Variants in C21orf91 observed in about 807,000 individuals in gnomAD.
C21orf91 encodes the protein chromosome 21 open reading frame 91.
A neutral mutation model predicts 32.9 loss-of-function variants in C21orf91; 26 were observed. The observed-to-expected ratio is 0.79, with a 90% confidence interval of 0.58 to 1.10. The LOEUF (loss-of-function observed/expected upper bound fraction) is 1.10. Ranked by LOEUF, C21orf91 falls within the 50% of genes least tolerant of loss-of-function variation. The pLI, the probability that C21orf91 is intolerant of heterozygous loss-of-function variation, is 0.00. For synonymous variants in C21orf91, 126 were observed against 120.4 expected, an observed-to-expected ratio of 1.05 and a Z score of -0.31; for missense variants, 310 against 341.3, an observed-to-expected ratio of 0.91 and a Z score of 0.72.
chr21:17,799,071 T>C (rs180847764), intron 2 of C21orf91, among the ~76,000 whole-genome samples: 164 of 152,304 alleles, frequency 1.1e-3, no homozygotes, highest in Middle Eastern at 0.01. Flanking sequence ...TATGTAGCAA[T>C]GAAATTCTTT....
rs1433675626 is a variant in C21orf91, at chr21:17,789,474, C to T, written c.*3941G>A. 1 of 152,004 alleles carries T rather than the reference C, an allele frequency of 6.6e-6. No homozygotes were observed. The highest frequency in any genetic ancestry group is 1.9e-4 in the East Asian group (1 of 5,196). The allele number at this position is 152,004 out of a possible 1,614,324, so 9.4% of individuals were successfully genotyped here. Reference sequence around the variant, plus strand: ...TCTTTAAACCTTTTTTGGGAGAGGGCAATACTCATCTTCATGAATTTTTGT... The same window carrying T: ...TCTTTAAACCTTTTTTGGGAGAGGGTAATACTCATCTTCATGAATTTTTGT... On this transcript the variant is annotated 3_prime_UTR_variant, in exon 5 of 5. Coordinates refer to ENST00000284881, the MANE Select transcript of C21orf91 (RefSeq NM_001100420.2).
In C21orf91 at chr21:17,793,472, T is replaced by TA; in HGVS notation, c.836dup (p.Leu279PhefsTer22). The stretch of plus-strand genomic sequence containing the variant: ...CTGTTCGCCCTACTTGCAGACATGG[T>TA]AACTTAGAACAGTTCTTCAGAAGCT... On this transcript the variant is annotated frameshift_variant, in exon 5 of 5. Transcript: ENST00000284881. LOFTEE classifies it high-confidence loss of function. The TA allele has an allele frequency of 6.2e-7, 1 of 1,613,394 alleles. No individual in the cohort carries two copies. Among genetic ancestry groups the TA allele is most frequent in the South Asian group, 1.1e-5 (1 of 90,996 alleles).
At position 17,796,961 on chromosome 21, in the gene C21orf91, G is replaced by A. The variant is rs368816028; in HGVS notation, c.285C>T (p.Asn95=). ...TATTTTGTGCATACTGCACAATCCA[G>A]TTTATCTTCTTACTCAAAATGGTTT... The part of the protein sequence containing the change: ...EVKTILSKKI[N]WIVQYAQNKD... The change falls in exon 3 of 5, where the codon AAC becomes AAT. Residue 95 remains asparagine, a synonymous_variant. Coordinates refer to ENST00000284881, the MANE Select transcript of C21orf91 (RefSeq NM_001100420.2). 1.4e-4 allele frequency: 233 copies of A among 1,613,276 alleles called. No homozygotes were observed. The highest frequency in any genetic ancestry group is 1.8e-4 in the Non-Finnish European group (207 of 1,179,478).
At chr21:17,793,611 A>G in intron 4 of C21orf91, 30 bp from the exon 5 acceptor site, 1 of 1,480,768 alleles carries the variant, frequency 6.8e-7, no homozygotes, top group Non-Finnish European at 9.4e-7. Flanking sequence ...TTTCATTTTT[A>G]GTATGCAGAA....
intron 2 of C21orf91, among the ~76,000 whole-genome samples, chr21:17,799,015 C>A (rs1366763699): frequency 1.3e-5 from 2 of 152,124 alleles, no homozygotes; most frequent in Non-Finnish European, 2.9e-5. Flanking sequence ...TTAGCTAATC[C>A]CTCAAAACCG....
At chr21:17,803,641 G>C (rs935231911) in intron 2 of C21orf91, among the ~76,000 whole-genome samples, 1 of 152,158 alleles carries the variant, frequency 6.6e-6, no homozygotes, top group Non-Finnish European at 1.5e-5. Flanking sequence ...ACGGGGTACA[G>C]GTACTTGAAT....
chr21:17,806,558 G>C (rs1464436182), intron 2 of C21orf91, among the ~76,000 whole-genome samples: 1 of 152,146 alleles, frequency 6.6e-6, no homozygotes, highest in Non-Finnish European at 1.5e-5. Flanking sequence ...AGAGGGGGAG[G>C]CTGGGCACAG....
At chr21:17,795,940 T>A (rs78941194) in intron 3 of C21orf91, among the ~76,000 whole-genome samples, 2 of 152,240 alleles carry the variant, frequency 1.3e-5, no homozygotes, top group African/African-American at 4.8e-5. Flanking sequence ...AAGCATTAGA[T>A]AGTTTATAAC....
At chr21:17,800,294 T>A (rs964254970) in intron 2 of C21orf91, among the ~76,000 whole-genome samples, 1 of 152,180 alleles carries the variant, frequency 6.6e-6, no homozygotes, top group South Asian at 2.1e-4. Flanking sequence ...TAAACATATT[T>A]AAAAATATCC....
At chr21:17,807,370 C>T (rs1265278805) in intron 2 of C21orf91, among the ~76,000 whole-genome samples, 1 of 152,190 alleles carries the variant, frequency 6.6e-6, no homozygotes, top group Non-Finnish European at 1.5e-5. Flanking sequence ...TTTCTGAGGC[C>T]TCCCCAGCTA....
chr21:17,796,904 T>G lies in C21orf91; in HGVS notation c.342A>C (p.Lys114Asn). 1 of 1,613,648 alleles carries G rather than the reference T, an allele frequency of 6.2e-7. No individual in the cohort carries two copies. Among genetic ancestry groups the G allele is most frequent in the Non-Finnish European group, 8.5e-7 (1 of 1,179,708 alleles). The change falls in exon 3 of 5, where the codon AAA (lysine) becomes AAC (asparagine). Residue 114 changes from lysine (K) to asparagine (N), a missense_variant. By Grantham distance (94) the Lys-to-Asn change is moderately conservative. Coordinates refer to ENST00000284881, the MANE Select transcript of C21orf91 (RefSeq NM_001100420.2). ...KDLDSDSECS[K>N]NPQHHLFNFR... ...AATTAAACAGATGATGCTGGGGGTTTTTAGAACATTCAGAATCTGAATCCA... is the reference window on the plus strand; with the variant it reads ...AATTAAACAGATGATGCTGGGGGTTGTTAGAACATTCAGAATCTGAATCCA...
intron 2 of C21orf91, 70 bp from the exon 3 acceptor site, chr21:17,797,188 A>G: frequency 1.0e-6 from 1 of 971,892 alleles, no homozygotes; most frequent in Non-Finnish European, 1.5e-6. Flanking sequence ...AAGAACATAC[A>G]AATCTTAGTA....
At chr21:17,802,312 C>A (rs1231373519) in intron 2 of C21orf91, among the ~76,000 whole-genome samples, 2 of 152,184 alleles carry the variant, frequency 1.3e-5, no homozygotes, top group African/African-American at 2.4e-5. Context: ...AGGCACGCAC[C>A]ACCACACGTG....
intron 2 of C21orf91, among the ~76,000 whole-genome samples, chr21:17,814,321 G>A (rs1204961690): frequency 2.0e-5 from 3 of 152,114 alleles, no homozygotes; most frequent in Non-Finnish European, 2.9e-5. Flanking sequence ...GCATATTAGA[G>A]TATTTGATCA....
chr21:17,814,355 AG>A (rs1262993703), intron 2 of C21orf91, among the ~76,000 whole-genome samples: 1 of 152,214 alleles, frequency 6.6e-6, no homozygotes, highest in Admixed American at 6.5e-5. Context: ...AAAAGTTCAT[AG>A]TGTCTTAGGG....
intron 2 of C21orf91, among the ~76,000 whole-genome samples, chr21:17,800,439 T>G (rs534864130): frequency 6.6e-6 from 1 of 152,318 alleles, no homozygotes; most frequent in African/African-American, 2.4e-5. Flanking sequence ...CACATATCAT[T>G]TTATAAATTC....
At chr21:17,814,430 AT>A (rs1272408496) in intron 2 of C21orf91, among the ~76,000 whole-genome samples, 7 of 152,180 alleles carry the variant, frequency 4.6e-5, no homozygotes, top group Non-Finnish European at 1.0e-4. Context: ...CAGACAATTT[AT>A]TTTAATGGTG....
intron 1 of C21orf91, among the ~76,000 whole-genome samples, chr21:17,818,619 G>A (rs1328223966): frequency 6.6e-6 from 1 of 152,260 alleles, no homozygotes; most frequent in African/African-American, 2.4e-5. Context: ...CGGCATTCTA[G>A]TCCTCCTCCT....
At chr21:17,801,113 C>T (rs1323220852) in intron 2 of C21orf91, among the ~76,000 whole-genome samples, 1 of 152,060 alleles carries the variant, frequency 6.6e-6, no homozygotes, top group Non-Finnish European at 1.5e-5. Flanking sequence ...ATGTTTACTG[C>T]AGCACTAGTC....
Sources: gnomAD v4.1 joint callset for allele counts (sites outside exome capture counted in the v4.1 genomes callset) on GRCh38, gnomAD v4.1.1 for gene constraint, MANE v1.5 for transcripts, NCBI Gene and HGNC (gene_info 2026-07-23, HGNC 2026-07-21) for gene names.